Variants in LGI2 observed in about 807,000 individuals in gnomAD.
LGI2 encodes leucine-rich repeat LGI family member 2.
Under a neutral mutation model 52.0 loss-of-function variants are expected in LGI2, and 30 were observed. The observed-to-expected ratio is 0.58, with a 90% CI of 0.43 to 0.78. LGI2 has a LOEUF of 0.78. Ranked by LOEUF, LGI2 falls within the 30% of genes least tolerant of loss-of-function variation. LGI2 has a pLI of 0.00. For synonymous variants in LGI2, 270 were observed against 271.8 expected (o/e 0.99, Z 0.06); for missense variants, 573 against 692.5 (o/e 0.83, Z 1.94).
chr4:25,011,428 C>CAT (rs928739837), intron 7 of LGI2, among the ~76,000 whole-genome samples: 2 of 152,272 alleles, frequency 1.3e-5, no homozygotes, highest in East Asian at 3.9e-4. Context: ...ATCCGTTGTA[C>CAT]ATCTCACACC....
intron 2 of LGI2, among the ~76,000 whole-genome samples, chr4:25,028,113 T>C (rs935467404): frequency 3.9e-5 from 6 of 152,234 alleles, no homozygotes; most frequent in Non-Finnish European, 7.3e-5. Context: ...TGGTTTAAGT[T>C]CTCAGCAAAC....
intron 7 of LGI2, among the ~76,000 whole-genome samples, chr4:25,010,600 C>T (rs985847779): frequency 2.0e-5 from 3 of 152,186 alleles, no homozygotes; most frequent in African/African-American, 7.2e-5. Flanking sequence ...GAGTATAATC[C>T]GTGTGCATCA....
Position 25,018,015 on chromosome 4 carries a change from C to A in LGI2, c.629G>T (p.Ser210Ile), listed in dbSNP as rs756927345. The A allele has an allele frequency of 6.2e-7, 1 of 1,612,022 alleles. No individual in the cohort carries two copies. Among genetic ancestry groups the A allele is most frequent in the Non-Finnish European group, 8.5e-7 (1 of 1,179,454 alleles). Reference protein sequence around the residue: ...YQEKKLNDVTSFDYECTTTDF... With the variant: ...YQEKKLNDVTIFDYECTTTDF... ...TGTAGTTGTGCATTCATAGTCAAAG[C>A]TGGTCACGTCATTTAGCTTCTTTTC... is the stretch of plus-strand genomic sequence containing the variant. The change falls in exon 6 of 8, where the codon AGC becomes ATC. Residue 210 changes from serine (S) to isoleucine (I), a missense_variant. By Grantham distance (142) the Ser-to-Ile change is moderately radical. Coordinates refer to ENST00000382114, the MANE Select transcript of LGI2 (RefSeq NM_018176.4).
At chr4:25,007,390 T>C (rs543702241) in intron 7 of LGI2, among the ~76,000 whole-genome samples, 1 of 152,292 alleles carries the variant, frequency 6.6e-6, no homozygotes, top group African/African-American at 2.4e-5. Flanking sequence ...CTGCCAGCAC[T>C]AATTGAGAGG....
Position 25,012,419 on chromosome 4 carries a change from T to C in LGI2, c.736A>G (p.Ile246Val). Residue 246 changes from isoleucine (I) to valine (V), a missense_variant, in exon 7 of 8, where the codon ATC (isoleucine) becomes GTC (valine). Transcript: ENST00000382114. ...FNSKNDVYVAIAQPSMENCMV... is the reference protein window; with the variant it reads ...FNSKNDVYVAVAQPSMENCMV... Reference sequence around the variant, plus strand: ...CAGTTCTCCATGCTGGGCTGCGCGATGGCCACGTACACATCGTTCTTGGAG... The same window carrying C: ...CAGTTCTCCATGCTGGGCTGCGCGACGGCCACGTACACATCGTTCTTGGAG... 6.2e-7 allele frequency: 1 copy of C among 1,614,264 alleles called. No individual in the cohort carries two copies. The highest frequency in any genetic ancestry group is 8.5e-7 in the Non-Finnish European group (1 of 1,180,042).
chr4:25,023,887 G>A (rs1354920881), intron 4 of LGI2, among the ~76,000 whole-genome samples: 1 of 152,146 alleles, frequency 6.6e-6, no homozygotes, highest in Non-Finnish European at 1.5e-5. Context: ...TTTGCTAAGT[G>A]TGTGTACTTG....
chr4:25,001,870 C>T lies in LGI2; in HGVS notation c.*1581G>A, dbSNP rs2109401897. Reference sequence around the variant, plus strand: ...TGGCAAAACATCTACCTACTCATGACATGGCAAATAGTCATTTTACAATAA... The same window carrying T: ...TGGCAAAACATCTACCTACTCATGATATGGCAAATAGTCATTTTACAATAA... On this transcript the variant is annotated 3_prime_UTR_variant, in exon 8 of 8. Transcript: ENST00000382114. 1 of 152,290 alleles carries T rather than the reference C, an allele frequency of 6.6e-6. No individual in the cohort carries two copies. Among genetic ancestry groups the T allele is most frequent in the Admixed American group, 6.5e-5 (1 of 15,302 alleles). 9.4% of individuals were successfully genotyped at this position (152,290 alleles called of 1,614,324 possible).
chr4:25,019,283 C>G (rs775867376), intron 4 of LGI2, 45 bp from the exon 5 acceptor site: 1 of 1,279,976 alleles, frequency 7.8e-7, no homozygotes, highest in Non-Finnish European at 1.1e-6. Context: ...TATCTCATGC[C>G]CTGTCACTCT....
chr4:25,022,697 AC>A (rs1726011498), intron 4 of LGI2, among the ~76,000 whole-genome samples: 2 of 152,168 alleles, frequency 1.3e-5, no homozygotes, highest in Admixed American at 1.3e-4. Flanking sequence ...AAGTCCATGC[AC>A]CCGAGGACAC....
rs1577543818 is a variant in LGI2 at position 25,003,274 on chromosome 4, C to A, written c.*177G>T. ...TAGAATGGGCATGTCATGCAGTTAGCCAATAAATGCAATCCCTGATTAAAA... is the reference window on the plus strand; with the variant it reads ...TAGAATGGGCATGTCATGCAGTTAGACAATAAATGCAATCCCTGATTAAAA... On this transcript the variant is annotated 3_prime_UTR_variant, in exon 8 of 8. Coordinates refer to ENST00000382114, the MANE Select transcript of LGI2 (RefSeq NM_018176.4). The A allele has an allele frequency of 1.9e-6, 1 of 532,704 alleles. No homozygotes were observed. Among genetic ancestry groups the A allele is most frequent in the Non-Finnish European group, 3.3e-6 (1 of 307,246 alleles). The allele number at this position is 532,704 out of a possible 1,614,324, so 33.0% of individuals were successfully genotyped here. A position where few individuals can be genotyped will look rare whatever the true frequency, so the allele number is the denominator to read the frequency against.
At chr4:24,994,091 G>T (rs1399242360), downstream of LGI2, among the ~76,000 whole-genome samples, 2 of 152,132 alleles carry the variant, frequency 1.3e-5, no homozygotes, top group African/African-American at 4.8e-5. Context: ...AATGTGAAAA[G>T]CTGACAAAAC....
At chr4:24,997,964 A>G (rs1725131752), downstream of LGI2, among the ~76,000 whole-genome samples, 1 of 152,126 alleles carries the variant, frequency 6.6e-6, no homozygotes, top group African/African-American at 2.4e-5. Flanking sequence ...TGCAGCCTCA[A>G]ACTCCTGGGC....
chr4:24,995,919 T>C (rs1725062262), downstream of LGI2, among the ~76,000 whole-genome samples: 1 of 152,180 alleles, frequency 6.6e-6, no homozygotes, highest in South Asian at 2.1e-4. Flanking sequence ...GGAAAACTGA[T>C]ATGGATAAAT....
rs2109400418 is a variant in LGI2 at position 25,000,351 on chromosome 4, A to C, written c.*3100T>G. 1 of 152,874 alleles carries C rather than the reference A, an allele frequency of 6.5e-6. No homozygotes were observed. The highest frequency in any genetic ancestry group is 1.9e-4 in the East Asian group (1 of 5,186). The allele number at this position is 152,874 out of a possible 1,614,324, so 9.5% of individuals were successfully genotyped here. ...GATAACCATGGCAGGCAATTCATAT[A>C]GTTTTCATGTCTATTTCCTTCTCTC... On this transcript the variant is annotated 3_prime_UTR_variant, in exon 8 of 8. Coordinates refer to ENST00000382114, the MANE Select transcript of LGI2 (RefSeq NM_018176.4).
chr4:24,995,565 G>C (rs1049570189), downstream of LGI2, among the ~76,000 whole-genome samples: 1 of 152,134 alleles, frequency 6.6e-6, no homozygotes, highest in African/African-American at 2.4e-5. Context: ...CCCTCAACAG[G>C]CTGCTTGAGT....
downstream of LGI2, among the ~76,000 whole-genome samples, chr4:24,995,055 C>T (rs768478711): frequency 2.6e-5 from 4 of 152,130 alleles, no homozygotes; most frequent in Admixed American, 1.3e-4. Context: ...CTAAATTGAT[C>T]GTTTCTTCTT....
At chr4:25,011,615 A>G (rs1725588563) in intron 7 of LGI2, among the ~76,000 whole-genome samples, 1 of 152,204 alleles carries the variant, frequency 6.6e-6, no homozygotes, top group Admixed American at 6.5e-5. Context: ...CACATCAGGA[A>G]CCTCTAAAGG....
At chr4:25,028,949 T>C (rs2109428719) in intron 1 of LGI2, among the ~76,000 whole-genome samples, 1 of 152,344 alleles carries the variant, frequency 6.6e-6, no homozygotes, top group Non-Finnish European at 1.5e-5. Context: ...CACAGCGTTG[T>C]GTTGGCCTAT....
intron 4 of LGI2, among the ~76,000 whole-genome samples, chr4:25,021,930 C>CAAAAAA (rs35526176): frequency 1.2e-4 from 9 of 76,544 alleles, no homozygotes; most frequent in African/African-American, 1.3e-4. Flanking sequence ...GATTCCATCT[C>CAAAAAA]AAAAAAAAAA....
Sources: allele counts gnomAD v4.1 joint callset (sites outside exome capture counted in the v4.1 genomes callset), GRCh38; gene constraint gnomAD v4.1.1; transcripts MANE v1.5; gene names NCBI Gene and HGNC (gene_info 2026-07-23, HGNC 2026-07-21).